Variants in CRACD observed in about 807,000 individuals in gnomAD.
The protein encoded by CRACD is capping protein inhibiting regulator of actin dynamics.
Under a neutral mutation model 106.8 loss-of-function variants are expected in CRACD, and 56 were observed. The ratio of observed to expected loss-of-function variants is 0.52; its 90% CI spans 0.42 to 0.66. The LOEUF is 0.66. CRACD is among the 30% of genes least tolerant of loss of function. The pLI is 0.00. For synonymous variants in CRACD, 754 were observed against 670.8 expected (o/e 1.12, Z -1.92); for missense variants, 1,730 against 1,623.2 (o/e 1.07, Z -1.13).
chr4:56,251,178 TGCCTTGACCGC>T (rs1435131747), intron 2 of CRACD, among the ~76,000 whole-genome samples: 1 of 152,200 alleles, frequency 6.6e-6, no homozygotes, highest in Non-Finnish European at 1.5e-5. Flanking sequence ...GAATAGAGTA[TGCCTTGACCGC>T]CTGAGTCTTC....
rs1275451678 is a variant in CRACD, at chr4:56,325,290, G to A, written c.3541+1024G>A. ...GTGGAGGTTGCAGTGAGCCGAGATC[G>A]TGCCACTGCACTCCAGCCTGAGCGA... On this transcript the variant is annotated intron_variant, in intron 10 of 10. Coordinates refer to ENST00000682029, the MANE Select transcript of CRACD (RefSeq NM_001393381.1). Among the ~76,000 whole-genome samples, 4 of 152,194 alleles carry A rather than the reference G, an allele frequency of 2.6e-5. No homozygotes were observed. The East Asian group carries it at 5.8e-4, about 22-fold the overall frequency.
At chr4:56,061,736 G>A (rs1313571801) in intron 1 of CRACD, among the ~76,000 whole-genome samples, 1 of 152,122 alleles carries the variant, frequency 6.6e-6, no homozygotes, top group African/African-American at 2.4e-5. Context: ...CAGGTGAGTG[G>A]AGTAAAAAGT....
chr4:56,063,258 A>G (rs895653782), intron 1 of CRACD, among the ~76,000 whole-genome samples: 5 of 151,840 alleles, frequency 3.3e-5, no homozygotes, highest in Non-Finnish European at 7.4e-5. Flanking sequence ...CAGTGGTGCG[A>G]TCATGGCTTA....
At chr4:56,144,422 A>G (rs1735307945) in intron 1 of CRACD, among the ~76,000 whole-genome samples, 1 of 152,186 alleles carries the variant, frequency 6.6e-6, no homozygotes, top group African/African-American at 2.4e-5. Flanking sequence ...TAGTTTGTGG[A>G]AATCCTTGCA....
intron 2 of CRACD, among the ~76,000 whole-genome samples, chr4:56,243,763 C>T (rs778904967): frequency 1.3e-5 from 2 of 152,056 alleles, no homozygotes; most frequent in Non-Finnish European, 2.9e-5. Context: ...ATTTATCCTT[C>T]GAGTTACAAA....
intron 1 of CRACD, among the ~76,000 whole-genome samples, chr4:56,132,467 C>A (rs187530980): frequency 3.4e-4 from 52 of 152,214 alleles, no homozygotes; most frequent in African/African-American, 1.2e-3. Context: ...CTCAGCCTTG[C>A]CAGTAGCTGG....
intron 1 of CRACD, among the ~76,000 whole-genome samples, chr4:56,088,767 G>T (rs564366801): frequency 6.6e-6 from 1 of 151,688 alleles, no homozygotes; most frequent in Admixed American, 6.6e-5. Context: ...GCCCAGGCTG[G>T]AGTGCAGGAG....
intron 1 of CRACD, among the ~76,000 whole-genome samples, chr4:56,121,215 A>G (rs1467196648): frequency 6.6e-6 from 1 of 152,208 alleles, no homozygotes; most frequent in East Asian, 1.9e-4. Context: ...AATTGTAAAG[A>G]TACTCATATT....
chr4:56,168,869 T>G (rs1158475516), intron 1 of CRACD, among the ~76,000 whole-genome samples: 1 of 152,122 alleles, frequency 6.6e-6, no homozygotes, highest in Non-Finnish European at 1.5e-5. Flanking sequence ...TGTGATACTA[T>G]GGATGAGTAG....
chr4:56,093,935 G>C (rs539712782), intron 1 of CRACD, among the ~76,000 whole-genome samples: 1 of 152,176 alleles, frequency 6.6e-6, no homozygotes, highest in East Asian at 1.9e-4. Context: ...CCTCAAATTG[G>C]GACATAGTTT....
chr4:56,252,706 A>AT (rs1465282437), intron 2 of CRACD, among the ~76,000 whole-genome samples: 1 of 152,204 alleles, frequency 6.6e-6, no homozygotes, highest in Non-Finnish European at 1.5e-5. Flanking sequence ...CAGAGTGCAT[A>AT]TTCCTCAATA....
At chr4:56,057,273 G>C (rs1732105976) in intron 1 of CRACD, among the ~76,000 whole-genome samples, 1 of 152,158 alleles carries the variant, frequency 6.6e-6, no homozygotes, top group African/African-American at 2.4e-5. Flanking sequence ...ATAGGTTAGG[G>C]GCTCAGGAAG....
At chr4:56,272,099 AC>A (rs1472370890) in intron 2 of CRACD, among the ~76,000 whole-genome samples, 4 of 152,170 alleles carry the variant, frequency 2.6e-5, no homozygotes, top group Non-Finnish European at 5.9e-5. Context: ...TGGGGGACAG[AC>A]GATTCACCAT....
intron 3 of CRACD, among the ~76,000 whole-genome samples, chr4:56,284,774 C>T (rs921780550): frequency 1.3e-5 from 2 of 151,974 alleles, no homozygotes; most frequent in South Asian, 2.1e-4. Flanking sequence ...TACTTTACAA[C>T]ATGCAAAGCA....
chr4:56,066,369 A>G (rs1227241453), intron 1 of CRACD, among the ~76,000 whole-genome samples: 1 of 152,128 alleles, frequency 6.6e-6, no homozygotes, highest in Non-Finnish European at 1.5e-5. Context: ...TTTTCATCAT[A>G]GCTTGTGGTC....
At chr4:56,171,322 G>A (rs1736353985) in intron 1 of CRACD, among the ~76,000 whole-genome samples, 1 of 151,902 alleles carries the variant, frequency 6.6e-6, no homozygotes, top group South Asian at 2.1e-4. Context: ...GATACTTACT[G>A]TGAATAGTTA....
At chr4:56,216,283 G>C (rs184074013) in intron 2 of CRACD, 4 of 152,282 alleles carry the variant, frequency 2.6e-5, no homozygotes, top group Non-Finnish European at 4.4e-5. Context: ...GGTAAGTAAT[G>C]TGGAGTGGGT....
chr4:56,061,205 C>G (rs1344084909), intron 1 of CRACD, among the ~76,000 whole-genome samples: 1 of 152,220 alleles, frequency 6.6e-6, no homozygotes. Flanking sequence ...AGGTCTTGCT[C>G]TGTCACCCAG....
At chr4:56,218,112 C>T (rs1464157097) in intron 2 of CRACD, among the ~76,000 whole-genome samples, 1 of 152,104 alleles carries the variant, frequency 6.6e-6, no homozygotes, top group Non-Finnish European at 1.5e-5. Context: ...TGGATTAGGG[C>T]CACCCTACTG....
Sources: gnomAD v4.1 joint callset for allele counts (sites outside exome capture counted in the v4.1 genomes callset) on GRCh38, gnomAD v4.1.1 for gene constraint, MANE v1.5 for transcripts, NCBI Gene and HGNC (gene_info 2026-07-23, HGNC 2026-07-21) for gene names.